Variants in CNTN5 observed in about 807,000 individuals in gnomAD.
The protein encoded by CNTN5 is contactin 5.
Under a neutral mutation model 129.1 loss-of-function variants are expected in CNTN5, and 77 were observed. The ratio of observed to expected loss-of-function variants is 0.60; its 90% confidence interval spans 0.50 to 0.72. The LOEUF (loss-of-function observed/expected upper bound fraction) is 0.72, where lower values mean the gene tolerates loss of function less well. Among genes scored for constraint, CNTN5 ranks in the 30% least tolerant of loss-of-function variants. CNTN5 has a pLI of 0.00. For missense variants in CNTN5, 1,478 were observed against 1,328.8 expected, an observed-to-expected ratio of 1.11 and a Z score of -1.75; for synonymous variants, 509 against 465.6, an observed-to-expected ratio of 1.09 and a Z score of -1.20.
At chr11:100,202,803 A>T (rs1290463560) in intron 15 of CNTN5, among the ~76,000 whole-genome samples, 1 of 151,986 alleles carries the variant, frequency 6.6e-6, no homozygotes, top group Non-Finnish European at 1.5e-5. Flanking sequence ...GAAGGAAGAC[A>T]AGTAAAGGTC....
intron 3 of CNTN5, among the ~76,000 whole-genome samples, chr11:99,612,535 C>T (rs143492108): frequency 7.1e-4 from 108 of 152,248 alleles, no homozygotes; most frequent in African/African-American, 2.4e-3. Context: ...AGTAATTAAA[C>T]CCATATTGTC....
chr11:99,239,286 C>T (rs1278049529), intron 1 of CNTN5, among the ~76,000 whole-genome samples: 1 of 150,056 alleles, frequency 6.7e-6, no homozygotes, highest in East Asian at 1.9e-4. Context: ...GTTTAATTAT[C>T]AACTGAAATA....
chr11:99,617,789 G>T (rs185341033), intron 3 of CNTN5, among the ~76,000 whole-genome samples: 2 of 151,694 alleles, frequency 1.3e-5, no homozygotes, highest in Non-Finnish European at 2.9e-5. Context: ...CAAATGAGTC[G>T]GTAAAATGAA....
chr11:100,253,265 C>T (rs937115971), intron 16 of CNTN5, among the ~76,000 whole-genome samples: 2 of 152,160 alleles, frequency 1.3e-5, no homozygotes, highest in Non-Finnish European at 2.9e-5. Context: ...GATTTACAAT[C>T]ACATCCAAAT....
At chr11:100,168,788 C>A (rs1171411309) in intron 13 of CNTN5, among the ~76,000 whole-genome samples, 1 of 151,886 alleles carries the variant, frequency 6.6e-6, no homozygotes, top group African/African-American at 2.4e-5. Flanking sequence ...GATAGTAATT[C>A]CTCTGATGGA....
intron 3 of CNTN5, among the ~76,000 whole-genome samples, chr11:99,692,860 G>A (rs987365076): frequency 6.6e-6 from 1 of 151,896 alleles, no homozygotes; most frequent in East Asian, 1.9e-4. Flanking sequence ...AAAATTTATT[G>A]ATATCATTAG....
At chr11:99,825,127 G>A (rs1462233281) in intron 4 of CNTN5, among the ~76,000 whole-genome samples, 1 of 151,968 alleles carries the variant, frequency 6.6e-6, no homozygotes, top group Non-Finnish European at 1.5e-5. Context: ...AAAATAGTTT[G>A]TAAAAATTGC....
intron 15 of CNTN5, among the ~76,000 whole-genome samples, chr11:100,216,028 G>A (rs1591401245): frequency 6.6e-6 from 1 of 152,076 alleles, no homozygotes; most frequent in East Asian, 1.9e-4. Context: ...CAAACAAACT[G>A]GCCTCATTCC....
chr11:100,143,597 A>C (rs1335999756), intron 13 of CNTN5, among the ~76,000 whole-genome samples: 2 of 152,140 alleles, frequency 1.3e-5, no homozygotes, highest in African/African-American at 4.8e-5. Context: ...AAAAGGAAGG[A>C]GATTCCAAGG....
chr11:99,947,036 T>C (rs201605254), intron 7 of CNTN5, among the ~76,000 whole-genome samples: 1 of 151,320 alleles, frequency 6.6e-6, no homozygotes, highest in Admixed American at 6.6e-5. Context: ...GAGTATGTTT[T>C]ACATTATAAA....
At chr11:99,901,524 C>T (rs1248170344) in intron 6 of CNTN5, among the ~76,000 whole-genome samples, 2 of 152,022 alleles carry the variant, frequency 1.3e-5, no homozygotes, top group East Asian at 1.9e-4. Flanking sequence ...AACTCCTGAC[C>T]TCAAGTGACC....
chr11:100,083,463 C>G (rs1436221597), intron 13 of CNTN5, among the ~76,000 whole-genome samples: 1 of 152,026 alleles, frequency 6.6e-6, no homozygotes, highest in Non-Finnish European at 1.5e-5. Flanking sequence ...CTAATCACTT[C>G]CTACCAGGCC....
chr11:99,524,288 T>G (rs2135449324), intron 2 of CNTN5, among the ~76,000 whole-genome samples: 1 of 152,306 alleles, frequency 6.6e-6, no homozygotes, highest in Middle Eastern at 3.4e-3. Flanking sequence ...TTATACAAGT[T>G]TGTTTTGTAT....
intron 24 of CNTN5, among the ~76,000 whole-genome samples, chr11:100,355,146 T>TA (rs1044529444): frequency 4.0e-5 from 6 of 151,774 alleles, no homozygotes; most frequent in Admixed American, 1.3e-4. Flanking sequence ...TAATACAGAT[T>TA]AAAAAAACAT....
At chr11:100,065,130 G>A (rs950086272) in intron 10 of CNTN5, among the ~76,000 whole-genome samples, 3 of 152,022 alleles carry the variant, frequency 2.0e-5, no homozygotes, top group Non-Finnish European at 4.4e-5. Context: ...TAGTTGTACT[G>A]TACTAAATAT....
intron 1 of CNTN5, among the ~76,000 whole-genome samples, chr11:99,321,355 T>A (rs1488502935): frequency 6.7e-6 from 1 of 149,306 alleles, no homozygotes; most frequent in Non-Finnish European, 1.5e-5. Flanking sequence ...ACATTATATA[T>A]ATATAACATA....
rs1939261272 is a variant in CNTN5, at chr11:99,993,573, G to A, written c.878-8461G>A. Among the ~76,000 whole-genome samples, 5 of 152,080 alleles carry A rather than the reference G, an allele frequency of 3.3e-5. No homozygotes were observed. The South Asian group carries it at 1.0e-3, about 32-fold the overall frequency. ...ATTATGCAGCCTAGCTCCCTTGCAT[G>A]CACAGTTCACAACAGGGTGCAAACT... On this transcript the variant is annotated intron_variant, in intron 8 of 24. Coordinates refer to ENST00000524871, the MANE Select transcript of CNTN5 (RefSeq NM_014361.4).
intron 13 of CNTN5, among the ~76,000 whole-genome samples, chr11:100,189,393 A>G (rs1948404363): frequency 6.6e-6 from 1 of 152,104 alleles, no homozygotes; most frequent in South Asian, 2.1e-4. Flanking sequence ...CCTGTCAGTA[A>G]GAAAGCACTC....
chr11:99,284,778 A>G (rs1320125688), intron 1 of CNTN5, among the ~76,000 whole-genome samples: 2 of 152,014 alleles, frequency 1.3e-5, no homozygotes, highest in Non-Finnish European at 2.9e-5. Flanking sequence ...AACATGGATA[A>G]TGGCTACATT....
Sources: gnomAD v4.1 joint callset for allele counts (sites outside exome capture counted in the v4.1 genomes callset) on GRCh38, gnomAD v4.1.1 for gene constraint, MANE v1.5 for transcripts, NCBI Gene and HGNC (gene_info 2026-07-23, HGNC 2026-07-21) for gene names.